RTL4: variants seen among roughly 807,000 people sequenced by gnomAD.
RTL4 encodes retrotransposon Gag-like protein 4.
A neutral mutation model predicts 5.3 loss-of-function variants in RTL4; 4 were observed. The ratio of observed to expected loss-of-function variants is 0.75; its 90% confidence interval spans 0.37 to 1.72. The LOEUF (loss-of-function observed/expected upper bound fraction) is 1.72, where lower values mean the gene tolerates loss of function less well. Ranked by LOEUF, RTL4 falls within the 40% of genes most tolerant of loss-of-function variation. The pLI, the probability that RTL4 is intolerant of heterozygous loss-of-function variation, is 0.04. For synonymous variants in RTL4, 98 were observed against 87.3 expected (o/e 1.12, Z -0.68); for missense variants, 260 against 227.1 (o/e 1.14, Z -0.93).
the RTL4 span, among the ~76,000 whole-genome samples, chrX:112,135,447 C>A: frequency 9.0e-6 from 1 of 111,337 alleles, no homozygotes; most frequent in Admixed American, 9.6e-5. Context: ...ATTAGATATA[C>A]TTCGCAATGA....
chrX:112,390,362 G>C, the RTL4 span, among the ~76,000 whole-genome samples: 2 of 102,553 alleles, frequency 2.0e-5, no homozygotes, highest in South Asian at 9.2e-4. Flanking sequence ...TAAGGCACGA[G>C]ACTCGCTTGA....
At chrX:112,323,521 T>G in the RTL4 span, among the ~76,000 whole-genome samples, 1 of 110,596 alleles carries the variant, frequency 9.0e-6, no homozygotes, top group East Asian at 2.8e-4. Flanking sequence ...AGACAGAGTC[T>G]CACTCTGTTT....
the RTL4 span, among the ~76,000 whole-genome samples, chrX:112,121,889 A>C: frequency 8.9e-6 from 1 of 111,985 alleles, no homozygotes; most frequent in Admixed American, 9.5e-5. Context: ...CAATAGATAC[A>C]GTAAAAGCAT....
the RTL4 span, among the ~76,000 whole-genome samples, chrX:112,164,378 G>A: frequency 8.9e-6 from 1 of 112,375 alleles, no homozygotes; most frequent in South Asian, 3.7e-4. Flanking sequence ...GAAGTTCCCA[G>A]TGGCTGCAGA....
At chrX:112,125,054 C>A in the RTL4 span, among the ~76,000 whole-genome samples, 1 of 107,986 alleles carries the variant, frequency 9.3e-6, no homozygotes, top group African/African-American at 3.4e-5. Context: ...GTGCATGCCA[C>A]CACACCTGGC....
At chrX:112,275,518 T>A in the RTL4 span, among the ~76,000 whole-genome samples, 1 of 112,293 alleles carries the variant, frequency 8.9e-6, no homozygotes, top group Non-Finnish European at 1.9e-5. Flanking sequence ...ATTTTCTAAC[T>A]ATGTAACCTT....
the RTL4 span, among the ~76,000 whole-genome samples, chrX:112,296,296 T>C: frequency 8.9e-6 from 1 of 112,048 alleles, no homozygotes; most frequent in Non-Finnish European, 1.9e-5. Context: ...CATTTCTCCT[T>C]TACCTGACTA....
chrX:112,093,577 G>A, the RTL4 span, among the ~76,000 whole-genome samples: 2 of 111,711 alleles, frequency 1.8e-5, no homozygotes, highest in African/African-American at 6.5e-5. Flanking sequence ...TAGATACTGT[G>A]GATATAGCTG....
chrX:112,348,727 G>A, the RTL4 span, among the ~76,000 whole-genome samples: 1 of 110,064 alleles, frequency 9.1e-6, no homozygotes, highest in Non-Finnish European at 1.9e-5. Context: ...TATATGTGTT[G>A]GTGCCTTTTC....
chrX:112,195,518 A>G, the RTL4 span, among the ~76,000 whole-genome samples: 1 of 111,656 alleles, frequency 9.0e-6, no homozygotes. Flanking sequence ...AGGCTTGGTG[A>G]GCCTGAAGTT....
At chrX:112,209,045 G>A in the RTL4 span, among the ~76,000 whole-genome samples, 1 of 112,101 alleles carries the variant, frequency 8.9e-6, no homozygotes, top group Non-Finnish European at 1.9e-5. Flanking sequence ...TTTGTTCATG[G>A]GCCTATTGGA....
At chrX:112,238,118 G>A in the RTL4 span, among the ~76,000 whole-genome samples, 1 of 111,882 alleles carries the variant, frequency 8.9e-6, no homozygotes, top group African/African-American at 3.3e-5. Flanking sequence ...TTAACTATTA[G>A]CATTTTGCCC....
At chrX:112,206,646 C>T in the RTL4 span, among the ~76,000 whole-genome samples, 3 of 111,357 alleles carry the variant, frequency 2.7e-5, no homozygotes, top group African/African-American at 9.8e-5. Flanking sequence ...CATCTACACT[C>T]ATTACATAGG....
At chrX:112,324,435 T>A in the RTL4 span, among the ~76,000 whole-genome samples, 1 of 111,935 alleles carries the variant, frequency 8.9e-6, no homozygotes, top group African/African-American at 3.2e-5. Flanking sequence ...GCTATATAGT[T>A]TTTTTTGCTA....
chrX:112,186,529 T>C, the RTL4 span, among the ~76,000 whole-genome samples: 1 of 112,087 alleles, frequency 8.9e-6, no homozygotes, highest in Non-Finnish European at 1.9e-5. Context: ...TATTGTTGAA[T>C]GAAGAGAGAG....
the RTL4 span, among the ~76,000 whole-genome samples, chrX:112,357,674 C>A: frequency 2.7e-5 from 3 of 112,130 alleles, no homozygotes; most frequent in Non-Finnish European, 5.6e-5. Context: ...TCGATGGCAA[C>A]TTTCCTAGTA....
At chrX:112,135,895 CAT>C in the RTL4 span, among the ~76,000 whole-genome samples, 3,694 of 103,645 alleles carry the variant, frequency 0.036, 146 homozygotes, top group African/African-American at 0.11. Flanking sequence ...ATAATACATA[CAT>C]ATATATATAT....
the RTL4 span, among the ~76,000 whole-genome samples, chrX:112,369,393 G>C: frequency 1.8e-5 from 2 of 111,572 alleles, no homozygotes; most frequent in Non-Finnish European, 3.8e-5. Context: ...CCAAATAGTA[G>C]TGGAATTCAA....
chrX:112,416,179 A>G, the RTL4 span, among the ~76,000 whole-genome samples: 1 of 111,294 alleles, frequency 9.0e-6, no homozygotes, highest in Non-Finnish European at 1.9e-5. Flanking sequence ...TTGTCTGTGC[A>G]TATGTCTCTT....
Sources: gnomAD v4.1 joint callset for allele counts (sites outside exome capture counted in the v4.1 genomes callset) on GRCh38, gnomAD v4.1.1 for gene constraint, MANE v1.5 for transcripts, NCBI Gene and HGNC (gene_info 2026-07-23, HGNC 2026-07-21) for gene names.